FAM135B: variants seen among roughly 807,000 people sequenced by gnomAD.
FAM135B encodes protein FAM135B.
Under a neutral mutation model 127.7 loss-of-function variants are expected in FAM135B, and 43 were observed. The ratio of observed to expected loss-of-function variants is 0.34; its 90% CI spans 0.26 to 0.43. The LOEUF is 0.43. Among genes scored for constraint, FAM135B ranks in the 20% least tolerant of loss-of-function variants. FAM135B has a pLI of 1.00. For missense variants in FAM135B, 1,558 were observed against 1,725.6 expected, an observed-to-expected ratio of 0.90 and a Z score of 1.72; for synonymous variants, 670 against 665.1, an observed-to-expected ratio of 1.01 and a Z score of -0.11.
chr8:138,351,163 G>C (rs562320629), intron 2 of FAM135B, among the ~76,000 whole-genome samples: 1 of 152,186 alleles, frequency 6.6e-6, no homozygotes, highest in African/African-American at 2.4e-5. Context: ...GATGTCACCT[G>C]TACAGGCTGA....
chr8:138,251,400 T>A (rs1472908527), intron 5 of FAM135B, among the ~76,000 whole-genome samples: 2 of 152,184 alleles, frequency 1.3e-5, no homozygotes, highest in African/African-American at 2.4e-5. Flanking sequence ...GCTCTCCTCA[T>A]AACGCTGCAC....
At chr8:138,168,099 C>T (rs1235539654) in intron 11 of FAM135B, 50 bp from the exon 12 acceptor site, 1 of 1,548,988 alleles carries the variant, frequency 6.5e-7, no homozygotes, top group East Asian at 2.4e-5. Flanking sequence ...CAGAGGTTTC[C>T]AAACCGTTGC....
chr8:138,458,832 G>C (rs1836956791), intron 1 of FAM135B, among the ~76,000 whole-genome samples: 1 of 152,184 alleles, frequency 6.6e-6, no homozygotes, highest in Non-Finnish European at 1.5e-5. Flanking sequence ...TGCTGTTGTA[G>C]AAGTTACGCT....
At chr8:138,257,656 G>T (rs927914084) in intron 4 of FAM135B, among the ~76,000 whole-genome samples, 1 of 152,018 alleles carries the variant, frequency 6.6e-6, no homozygotes, top group African/African-American at 2.4e-5. Context: ...CTTTTCATCC[G>T]TAACCACAAA....
intron 1 of FAM135B, 41 bp from the exon 2 acceptor site, chr8:138,368,043 A>G (rs2131218387): frequency 7.0e-7 from 1 of 1,431,704 alleles, no homozygotes; most frequent in African/African-American, 1.4e-5. Flanking sequence ...AGATCACATC[A>G]GCCACTCAGA....
intron 17 of FAM135B, among the ~76,000 whole-genome samples, chr8:138,140,451 G>A (rs1817035010): frequency 1.3e-5 from 2 of 152,126 alleles, no homozygotes; most frequent in Admixed American, 1.3e-4. Context: ...CCCTCCTTGG[G>A]CTTCCATACA....
intron 2 of FAM135B, among the ~76,000 whole-genome samples, chr8:138,347,975 T>A (rs1041177424): frequency 1.3e-5 from 2 of 152,054 alleles, no homozygotes; most frequent in Non-Finnish European, 2.9e-5. Context: ...CAGTAAATGT[T>A]CAGTGACTGT....
chr8:138,248,823 CA>C (rs10639016), intron 6 of FAM135B, among the ~76,000 whole-genome samples: 144 of 128,704 alleles, frequency 1.1e-3, no homozygotes, highest in African/African-American at 2.9e-3. Context: ...GACGCTGTCT[CA>C]AAAAAAAAAA....
chr8:138,382,138 C>G (rs563537516), intron 1 of FAM135B, among the ~76,000 whole-genome samples: 2 of 152,178 alleles, frequency 1.3e-5, no homozygotes, highest in Non-Finnish European at 2.9e-5. Context: ...TGACCACCCA[C>G]AAGATGTGCA....
chr8:138,354,680 G>A (rs758743877), intron 2 of FAM135B, among the ~76,000 whole-genome samples: 1 of 152,136 alleles, frequency 6.6e-6, no homozygotes, highest in Non-Finnish European at 1.5e-5. Flanking sequence ...GCCAACAAGA[G>A]CAAGAGCTCA....
At chr8:138,300,364 C>T (rs185672675) in intron 3 of FAM135B, among the ~76,000 whole-genome samples, 2 of 152,168 alleles carry the variant, frequency 1.3e-5, no homozygotes, top group Non-Finnish European at 1.5e-5. Flanking sequence ...GCCCTCCTGC[C>T]GTTTATGGCA....
chr8:138,179,398 T>C (rs1814790686), intron 9 of FAM135B, among the ~76,000 whole-genome samples: 1 of 152,198 alleles, frequency 6.6e-6, no homozygotes, highest in South Asian at 2.1e-4. Context: ...CGGTGCTCCC[T>C]ATCTAATCCT....
chr8:138,449,784 ATG>A (rs751205135), intron 1 of FAM135B, among the ~76,000 whole-genome samples: 37 of 152,156 alleles, frequency 2.4e-4, no homozygotes, highest in Non-Finnish European at 3.4e-4. Flanking sequence ...AGTGTGGTGC[ATG>A]TGTTACAACT....
intron 2 of FAM135B, among the ~76,000 whole-genome samples, chr8:138,364,946 A>C (rs555129884): frequency 2.6e-5 from 4 of 152,220 alleles, no homozygotes; most frequent in Admixed American, 6.5e-5. Flanking sequence ...CTCCTGGTTC[A>C]AGCAGTTCTC....
intron 2 of FAM135B, among the ~76,000 whole-genome samples, chr8:138,325,190 T>C (rs1383943789): frequency 6.6e-6 from 1 of 152,050 alleles, no homozygotes; most frequent in Non-Finnish European, 1.5e-5. Context: ...AAACACTGAG[T>C]TGTAGGCACT....
intron 1 of FAM135B, 117 bp from the exon 2 acceptor site, chr8:138,368,119 C>T: frequency 3.0e-6 from 2 of 670,424 alleles, no homozygotes; most frequent in Non-Finnish European, 5.3e-6. Flanking sequence ...AGCGTGTGTC[C>T]ACTGAACGTC....
chr8:138,147,979 A>G (rs906419223), intron 14 of FAM135B, among the ~76,000 whole-genome samples: 8 of 152,168 alleles, frequency 5.3e-5, no homozygotes, highest in Non-Finnish European at 1.0e-4. Flanking sequence ...AAGGTATCCT[A>G]TAAGTGGGAG....
chr8:138,275,205 G>A (rs896395549), intron 3 of FAM135B, among the ~76,000 whole-genome samples: 8 of 152,138 alleles, frequency 5.3e-5, no homozygotes, highest in African/African-American at 9.7e-5. Flanking sequence ...GGCTTCAGCC[G>A]GTCCCTCTGT....
chr8:138,255,173 G>A (rs1016255889), intron 5 of FAM135B, among the ~76,000 whole-genome samples: 3 of 151,986 alleles, frequency 2.0e-5, no homozygotes, highest in Admixed American at 2.0e-4. Context: ...GGGATAGCAG[G>A]CATGAGCCAC....
Sources: gnomAD v4.1 joint callset for allele counts (sites outside exome capture counted in the v4.1 genomes callset) on GRCh38, gnomAD v4.1.1 for gene constraint, MANE v1.5 for transcripts, NCBI Gene and HGNC (gene_info 2026-07-23, HGNC 2026-07-21) for gene names.